The following MRE11 variants were observed in gnomAD, a reference collection of about 807,000 sequenced individuals.
The protein encoded by MRE11 is MRE11 double strand break repair nuclease.
Under a neutral mutation model 91.7 loss-of-function variants are expected in MRE11, and 62 were observed. The ratio of observed to expected loss-of-function variants is 0.68; its 90% CI spans 0.55 to 0.84. The LOEUF is 0.84. Ranked by LOEUF, MRE11 falls within the 40% of genes least tolerant of loss-of-function variation. The probability of loss-of-function intolerance (pLI) is 0.00; values close to 1 mark genes in which losing one functional copy is unlikely to be tolerated. For synonymous variants in MRE11, 273 were observed against 271.4 expected (o/e 1.01, Z -0.06); for missense variants, 796 against 852.9 (o/e 0.93, Z 0.83).
chr11:94,463,757 A>G (rs1379080516), intron 11 of MRE11, among the ~76,000 whole-genome samples: 1 of 148,454 alleles, frequency 6.7e-6, no homozygotes, highest in African/African-American at 2.5e-5. Context: ...CAGGGCAGGG[A>G]ACATCACACA....
At chr11:94,506,791 T>A in the MRE11 span, among the ~76,000 whole-genome samples, 22 of 152,034 alleles carry the variant, frequency 1.4e-4, no homozygotes, top group Non-Finnish European at 2.9e-4. Flanking sequence ...AGTCTTGCTA[T>A]GTTGACCAGG....
intron 15 of MRE11, among the ~76,000 whole-genome samples, chr11:94,446,618 T>C (rs374411276): frequency 6.6e-6 from 1 of 152,152 alleles, no homozygotes; most frequent in Non-Finnish European, 1.5e-5. Context: ...TGAACTGACA[T>C]AATGTGTGAG....
At chr11:94,457,913 A>ACACACACC (rs1555008814) in intron 13 of MRE11, among the ~76,000 whole-genome samples, 4 of 146,590 alleles carry the variant, frequency 2.7e-5, no homozygotes, top group South Asian at 2.2e-4. Flanking sequence ...ACACACACAC[A>ACACACACC]CCCCACACAG....
chr11:94,496,732 C>T, upstream of MRE11: 5 of 1,609,082 alleles, frequency 3.1e-6, no homozygotes, highest in Non-Finnish European at 4.2e-6. Context: ...GAATACCAGA[C>T]CAAGAGAATT....
chr11:94,419,726 A>T lies in MRE11; in HGVS notation c.*399T>A. The T allele has an allele frequency of 4.1e-6, 1 of 242,882 alleles. No individual in the cohort carries two copies. The highest frequency in any genetic ancestry group is 8.1e-6 in the Non-Finnish European group (1 of 124,116). 15.0% of individuals were successfully genotyped at this position (242,882 alleles called of 1,614,324 possible). A position where few individuals can be genotyped will look rare whatever the true frequency, so the allele number is the denominator to read the frequency against. On this transcript the variant is annotated 3_prime_UTR_variant, in exon 20 of 20. Coordinates refer to ENST00000323929, the MANE Select transcript of MRE11 (RefSeq NM_005591.4). ...AGTAACAAACAGTGAATTTAGACAT[A>T]GGTTCGCATAAATTGTTTTACTTTC...
At chr11:94,494,983 A>G (rs1240275917), upstream of MRE11, among the ~76,000 whole-genome samples, 1 of 152,218 alleles carries the variant, frequency 6.6e-6, no homozygotes, top group African/African-American at 2.4e-5. Flanking sequence ...AATAAAACAC[A>G]GAGCAATTCT....
the MRE11 span, among the ~76,000 whole-genome samples, chr11:94,501,221 G>T: frequency 1 from 152,238 of 152,308 alleles, 76,084 homozygotes; most frequent in Middle Eastern, 1. Flanking sequence ...AATTTCCCTT[G>T]GAAACTCCAA....
chr11:94,471,430 G>A (rs1417299794), intron 8 of MRE11, 144 bp downstream of exon 8: 1 of 754,978 alleles, frequency 1.3e-6, no homozygotes, highest in African/African-American at 1.8e-5. Flanking sequence ...TACACAGAAT[G>A]ATCAATTTTC....
At chr11:94,457,623 A>C (rs918737407) in intron 13 of MRE11, among the ~76,000 whole-genome samples, 29 of 152,182 alleles carry the variant, frequency 1.9e-4, no homozygotes, top group African/African-American at 6.5e-4. Context: ...GAGTGGGAAC[A>C]CTGAACAGGC....
intron 6 of MRE11, among the ~76,000 whole-genome samples, chr11:94,477,674 A>G (rs1224175359): frequency 6.6e-6 from 1 of 152,258 alleles, no homozygotes; most frequent in African/African-American, 2.4e-5. Flanking sequence ...ACAAAGCCCA[A>G]GGCATTAGAA....
chr11:94,462,726 T>A (rs1946454118), intron 11 of MRE11, among the ~76,000 whole-genome samples: 1 of 152,156 alleles, frequency 6.6e-6, no homozygotes, highest in African/African-American at 2.4e-5. Context: ...TGGCTAGCCA[T>A]ATGTAGAAAG....
chr11:94,476,430 A>C (rs1946859454), intron 6 of MRE11, 27 bp from the exon 7 acceptor site: 1 of 1,463,594 alleles, frequency 6.8e-7, no homozygotes, highest in African/African-American at 1.4e-5. Context: ...ATTATTTTTA[A>C]ATTGTTTTCT....
In MRE11 at chr11:94,464,241, T is replaced by G; in HGVS notation, c.1099-2A>C. 1 of 1,613,758 alleles carries G rather than the reference T, an allele frequency of 6.2e-7. No homozygotes were observed. The highest frequency in any genetic ancestry group is 8.5e-7 in the Non-Finnish European group (1 of 1,179,794). On this transcript the variant is annotated splice_acceptor_variant, in intron 10 of 19. Coordinates refer to ENST00000323929, the MANE Select transcript of MRE11 (RefSeq NM_005591.4). LOFTEE classifies it high-confidence loss of function. ...TTCAAAACCTCCACTATAGTCCACC[T>G]GAAAACACAGAATAATCTATGAACG...
the MRE11 span, among the ~76,000 whole-genome samples, chr11:94,502,706 C>T: frequency 6.6e-6 from 1 of 152,032 alleles, no homozygotes; most frequent in African/African-American, 2.4e-5. Context: ...GACAGACTCT[C>T]ACTGTTGTCC....
upstream of MRE11, among the ~76,000 whole-genome samples, chr11:94,496,370 TATA>T (rs1947418610): frequency 6.6e-6 from 1 of 152,120 alleles, no homozygotes; most frequent in South Asian, 2.1e-4. Flanking sequence ...AAATAATAGT[TATA>T]ATAATATAAT....
chr11:94,432,672 TGGCAGGGCCTGTA>T (rs913243142), intron 18 of MRE11, among the ~76,000 whole-genome samples: 2 of 152,136 alleles, frequency 1.3e-5, no homozygotes, highest in Admixed American at 6.5e-5. Context: ...CCGGGCATGG[TGGCAGGGCCTGTA>T]GTCCCAGCTA....
Position 94,419,993 on chromosome 11 carries a change from G to A in MRE11, c.*132C>T. Reference sequence around the variant, plus strand: ...GGTGAATCAATGCTATTGTATGTCTGTGAACTAGAAATTTCTTACTTATGG... The same window carrying A: ...GGTGAATCAATGCTATTGTATGTCTATGAACTAGAAATTTCTTACTTATGG... On this transcript the variant is annotated 3_prime_UTR_variant, in exon 20 of 20. Transcript: ENST00000323929. 1 of 689,148 alleles carries A rather than the reference G, an allele frequency of 1.5e-6. No homozygotes were observed. The highest frequency in any genetic ancestry group is 1.9e-5 in the South Asian group (1 of 51,848). 42.7% of individuals were successfully genotyped at this position (689,148 alleles called of 1,614,324 possible). A position where few individuals can be genotyped will look rare whatever the true frequency, so the allele number is the denominator to read the frequency against.
At chr11:94,493,685 C>G (rs1355889333) in intron 1 of MRE11, 106 bp downstream of exon 1, 1 of 152,272 alleles carries the variant, frequency 6.6e-6, no homozygotes, top group Non-Finnish European at 1.5e-5. Context: ...CTAAATTACC[C>G]CACTGCTGGA....
At position 94,478,422 on chromosome 11, in the gene MRE11, G is replaced by A. The variant is rs13447613; in HGVS notation, c.544+313C>T. On this transcript the variant is annotated intron_variant, in intron 6 of 19. Transcript: ENST00000323929. ...AAGCTGCACAAAATTATAAGCTAGC[G>A]GTATTGTACAGTGAAGCATTAGACC... 2.4e-3 allele frequency among the ~76,000 whole-genome samples: 364 copies of A among 152,086 alleles called. 2 individuals carry two copies. The highest frequency in any genetic ancestry group is 8.2e-3 in the African/African-American group (342 of 41,472).
Sources: gnomAD v4.1 joint callset for allele counts (sites outside exome capture counted in the v4.1 genomes callset) on GRCh38, gnomAD v4.1.1 for gene constraint, MANE v1.5 for transcripts, NCBI Gene and HGNC (gene_info 2026-07-23, HGNC 2026-07-21) for gene names.